ZNF267: variants seen among roughly 807,000 people sequenced by gnomAD.
ZNF267 encodes the protein zinc finger (C2H2).
ZNF267 carries 61 observed loss-of-function variants against 71.6 expected under a neutral mutation model. That is an observed-to-expected ratio of 0.85 (90% confidence interval 0.69 to 1.05). ZNF267 has a LOEUF of 1.05. ZNF267 is among the 50% of genes least tolerant of loss of function. The pLI, the probability that ZNF267 is intolerant of heterozygous loss-of-function variation, is 0.00. For synonymous variants in ZNF267, 288 were observed against 293.2 expected, an observed-to-expected ratio of 0.98 and a Z score of 0.18; for missense variants, 852 against 870.0, an observed-to-expected ratio of 0.98 and a Z score of 0.26.
intron 3 of ZNF267, among the ~76,000 whole-genome samples, chr16:31,902,320 A>G (rs1274175883): frequency 2.0e-5 from 3 of 151,886 alleles, no homozygotes; most frequent in Admixed American, 6.6e-5. Flanking sequence ...GTTTTTTCCA[A>G]TTCTGTGAAG....
At chr16:31,877,883 C>T (rs2083863206) in intron 1 of ZNF267, among the ~76,000 whole-genome samples, 1 of 151,944 alleles carries the variant, frequency 6.6e-6, no homozygotes, top group African/African-American at 2.4e-5. Context: ...TTATGATAAC[C>T]TGATAAACAT....
intron 3 of ZNF267, among the ~76,000 whole-genome samples, chr16:31,899,117 G>A (rs2142348333): frequency 6.6e-6 from 1 of 152,276 alleles, no homozygotes; most frequent in Non-Finnish European, 1.5e-5. Context: ...GTCAATATTA[G>A]ATCAAGGAGA....
At chr16:31,875,852 A>G (rs1384228400) in intron 1 of ZNF267, among the ~76,000 whole-genome samples, 1 of 152,232 alleles carries the variant, frequency 6.6e-6, no homozygotes, top group East Asian at 1.9e-4. Flanking sequence ...AACATTTCCA[A>G]GGCCATGAAA....
intron 3 of ZNF267, among the ~76,000 whole-genome samples, chr16:31,886,799 A>G (rs1014283595): frequency 6.6e-6 from 1 of 152,182 alleles, no homozygotes; most frequent in African/African-American, 2.4e-5. Context: ...AATATTCTAT[A>G]TATTGTGAAT....
At chr16:31,894,570 C>T (rs758674612) in intron 3 of ZNF267, 37 of 498,576 alleles carry the variant, frequency 7.4e-5, no homozygotes, top group Non-Finnish European at 1.3e-4. Context: ...GCGCTCTCAC[C>T]TTTTCATCCA....
At chr16:31,904,475 T>C (rs2084070518) in intron 3 of ZNF267, among the ~76,000 whole-genome samples, 2 of 152,266 alleles carry the variant, frequency 1.3e-5, no homozygotes, top group African/African-American at 2.4e-5. Flanking sequence ...TGCTCCTGTA[T>C]GGGGTACATA....
chr16:31,896,224 G>A lies in ZNF267; in HGVS notation c.226+10968G>A, dbSNP rs1010730976. ...GACAGGATCTCACTATGTAGCCCAG[G>A]ATGCCCTCGATTCCTGACCTCAAAT... On this transcript the variant is annotated intron_variant, in intron 3 of 3. Transcript: ENST00000300870. Among the ~76,000 whole-genome samples the A allele has an allele frequency of 3.3e-5, 5 of 152,204 alleles. No homozygotes were observed. The South Asian group carries it at 8.3e-4, about 25-fold the overall frequency.
At chr16:31,875,400 C>A in intron 1 of ZNF267, 1 of 1,067,300 alleles carries the variant, frequency 9.4e-7, no homozygotes, top group Non-Finnish European at 1.2e-6. Flanking sequence ...CCCCTTGGGA[C>A]ATAAGGATTT....
chr16:31,906,990 G>A (rs920717315), intron 3 of ZNF267, among the ~76,000 whole-genome samples: 2 of 152,156 alleles, frequency 1.3e-5, no homozygotes, highest in East Asian at 1.9e-4. Context: ...TTCATAGTAG[G>A]TAGTTGTTAT....
chr16:31,894,596 C>A, intron 3 of ZNF267: 4 of 487,180 alleles, frequency 8.2e-6, no homozygotes, highest in South Asian at 6.4e-5. Context: ...TTGTGCTGTT[C>A]AGATAATGAC....
intron 3 of ZNF267, chr16:31,895,059 C>T (rs1312551860): frequency 8.2e-6 from 2 of 244,246 alleles, no homozygotes; most frequent in East Asian, 1.3e-4. Context: ...CCCAGGGGGC[C>T]TTCTGCTTTG....
chr16:31,874,203 C>T, intron 1 of ZNF267: 1 of 507,670 alleles, frequency 2.0e-6, no homozygotes, highest in South Asian at 2.6e-5. Context: ...GACCTCGTCC[C>T]TGGCCGGAGC....
intron 3 of ZNF267, among the ~76,000 whole-genome samples, chr16:31,901,428 G>T (rs1274658578): frequency 6.6e-6 from 1 of 152,210 alleles, no homozygotes; most frequent in Non-Finnish European, 1.5e-5. Context: ...CAGTGTAAAA[G>T]TGTTCCTATT....
At chr16:31,912,061 A>C (rs764280499) in intron 3 of ZNF267, 1 of 151,460 alleles carries the variant, frequency 6.6e-6, no homozygotes, top group African/African-American at 2.4e-5. Context: ...GTCATCATTG[A>C]GTATTTCTAC....
intron 1 of ZNF267, among the ~76,000 whole-genome samples, chr16:31,876,470 T>C: frequency 6.6e-6 from 1 of 152,212 alleles, no homozygotes; most frequent in Non-Finnish European, 1.5e-5. Flanking sequence ...CCTCCCGCCT[T>C]GGCCTCCCAA....
intron 2 of ZNF267, 41 bp from the exon 3 acceptor site, chr16:31,885,120 A>G: frequency 6.7e-7 from 1 of 1,497,342 alleles, no homozygotes; most frequent in East Asian, 2.3e-5. Context: ...AAATAAAAAG[A>G]ACCCTCATTA....
chr16:31,914,438 A>T (rs774033949), intron 3 of ZNF267, 38 bp from the exon 4 acceptor site: 2 of 1,489,384 alleles, frequency 1.3e-6, no homozygotes, highest in East Asian at 2.3e-5. Context: ...GTACCTGAAT[A>T]TAGTAATTGG....
chr16:31,879,765 C>T (rs1406325953), intron 1 of ZNF267, among the ~76,000 whole-genome samples: 1 of 152,164 alleles, frequency 6.6e-6, no homozygotes, highest in South Asian at 2.1e-4. Flanking sequence ...TTTCCATGCC[C>T]CTGGCATCTT....
chr16:31,903,383 C>T, intron 3 of ZNF267, among the ~76,000 whole-genome samples: 1 of 152,128 alleles, frequency 6.6e-6, no homozygotes, highest in East Asian at 1.9e-4. Flanking sequence ...CTCCTTGTAC[C>T]TCTGGTAGAA....
Sources: gnomAD v4.1 joint callset for allele counts (sites outside exome capture counted in the v4.1 genomes callset) on GRCh38, gnomAD v4.1.1 for gene constraint, MANE v1.5 for transcripts, NCBI Gene and HGNC (gene_info 2026-07-23, HGNC 2026-07-21) for gene names.